The following LRRIQ1 variants were observed in gnomAD, a reference collection of about 807,000 sequenced individuals.
LRRIQ1 encodes the protein leucine-rich repeat- and IQ domain-containing protein 1.
LRRIQ1 carries 210 observed loss-of-function variants against 211.9 expected under a neutral mutation model. That is an observed-to-expected ratio of 0.99 (90% CI 0.89 to 1.11). The LOEUF (loss-of-function observed/expected upper bound fraction) is 1.11, where lower values mean the gene tolerates loss of function less well. Among genes scored for constraint, LRRIQ1 ranks in the 50% most tolerant of loss-of-function variants. LRRIQ1 has a pLI of 0.00. For missense variants in LRRIQ1, 2,136 were observed against 1,939.5 expected, an observed-to-expected ratio of 1.10 and a Z score of -1.90; for synonymous variants, 699 against 650.1, an observed-to-expected ratio of 1.08 and a Z score of -1.14.
At chr12:85,063,950 A>C (rs1312400590) in intron 8 of LRRIQ1, among the ~76,000 whole-genome samples, 2 of 151,732 alleles carry the variant, frequency 1.3e-5, no homozygotes, top group Non-Finnish European at 2.9e-5. Context: ...ATGAACACTT[A>C]GGTTGCTTCT....
intron 8 of LRRIQ1, among the ~76,000 whole-genome samples, chr12:85,059,817 G>T (rs1881578131): frequency 6.6e-6 from 1 of 151,672 alleles, no homozygotes; most frequent in South Asian, 2.1e-4. Flanking sequence ...CGCATGTTCT[G>T]CACATGTATC....
chr12:85,073,915 A>C (rs1356375448), intron 11 of LRRIQ1, among the ~76,000 whole-genome samples: 1 of 152,048 alleles, frequency 6.6e-6, no homozygotes, highest in Non-Finnish European at 1.5e-5. Context: ...GAAGGGAGAC[A>C]AAGATAGATT....
chr12:85,044,188 A>G (rs1254723306), intron 3 of LRRIQ1, among the ~76,000 whole-genome samples: 2 of 152,266 alleles, frequency 1.3e-5, no homozygotes, highest in East Asian at 3.9e-4. Context: ...GTTATAACAT[A>G]TTAATTGAAT....
At chr12:85,119,784 T>A (rs1395973734) in intron 15 of LRRIQ1, among the ~76,000 whole-genome samples, 1 of 152,190 alleles carries the variant, frequency 6.6e-6, no homozygotes, top group East Asian at 1.9e-4. Context: ...GCCGAACATC[T>A]TCTTATATGC....
chr12:85,251,777 CA>C (rs11415458), intron 1 of LRRIQ1, among the ~76,000 whole-genome samples: 1,463 of 116,864 alleles, frequency 0.013, 10 homozygotes, highest in Middle Eastern at 0.029. Flanking sequence ...AGAAGTGGCG[CA>C]AAAAAAAAAA....
the LRRIQ1 span, among the ~76,000 whole-genome samples, chr12:85,271,616 G>T: frequency 6.6e-6 from 1 of 151,994 alleles, no homozygotes; most frequent in Non-Finnish European, 1.5e-5. Flanking sequence ...TTGAAGATCT[G>T]GTCTTCCTTG....
intron 24 of LRRIQ1, among the ~76,000 whole-genome samples, chr12:85,198,750 A>G (rs1893141702): frequency 6.6e-6 from 1 of 151,950 alleles, no homozygotes; most frequent in Non-Finnish European, 1.5e-5. Context: ...TTGTATTTTT[A>G]GTAGAGACGG....
chr12:85,221,345 TA>T (rs925590723), intron 24 of LRRIQ1, among the ~76,000 whole-genome samples: 54 of 152,328 alleles, frequency 3.5e-4, no homozygotes, highest in African/African-American at 1.2e-3. Context: ...ATTTCACAAA[TA>T]TTTTTGAGCA....
At chr12:85,069,726 G>A (rs2136087810) in intron 10 of LRRIQ1, among the ~76,000 whole-genome samples, 1 of 152,194 alleles carries the variant, frequency 6.6e-6, no homozygotes, top group Admixed American at 6.5e-5. Flanking sequence ...TTTTTTGGCT[G>A]CATAAATGTC....
At chr12:85,081,267 C>T (rs56831626) in intron 11 of LRRIQ1, among the ~76,000 whole-genome samples, 92 of 152,172 alleles carry the variant, frequency 6.0e-4, no homozygotes, top group African/African-American at 2.1e-3. Context: ...CCGTATGATT[C>T]GGTAGTACCA....
chr12:85,173,386 A>T (rs1891514276), intron 24 of LRRIQ1, among the ~76,000 whole-genome samples: 1 of 152,166 alleles, frequency 6.6e-6, no homozygotes, highest in Non-Finnish European at 1.5e-5. Context: ...TAGTGAGCTC[A>T]TGCTCCCATA....
intron 24 of LRRIQ1, among the ~76,000 whole-genome samples, chr12:85,208,018 T>C (rs1365224099): frequency 9.8e-6 from 1 of 101,572 alleles, no homozygotes; most frequent in Non-Finnish European, 1.6e-5. Context: ...CTCATGTTCC[T>C]TTTTTTTTCA....
chr12:85,233,864 G>A (rs111593644), intron 26 of LRRIQ1, among the ~76,000 whole-genome samples: 2 of 152,212 alleles, frequency 1.3e-5, no homozygotes, highest in Admixed American at 6.6e-5. Flanking sequence ...CTTTGGCACA[G>A]ATTGGTTAGT....
chr12:85,238,842 C>T (rs1895323748), intron 26 of LRRIQ1, among the ~76,000 whole-genome samples: 1 of 152,008 alleles, frequency 6.6e-6, no homozygotes, highest in African/African-American at 2.4e-5. Context: ...CTGATTTTCA[C>T]AGATGACATC....
At chr12:85,232,244 A>G (rs569385111) in intron 25 of LRRIQ1, among the ~76,000 whole-genome samples, 62 of 152,148 alleles carry the variant, frequency 4.1e-4, no homozygotes, top group Non-Finnish European at 7.8e-4. Context: ...AAAGCCAAAT[A>G]TCATTGTTCT....
intron 2 of LRRIQ1, among the ~76,000 whole-genome samples, chr12:85,039,678 G>A (rs1229202988): frequency 6.6e-6 from 1 of 151,510 alleles, no homozygotes; most frequent in African/African-American, 2.4e-5. Context: ...AACCCAGTAT[G>A]GCAGACAATA....
chr12:85,057,554 C>CACCT (rs1555198520), intron 8 of LRRIQ1, among the ~76,000 whole-genome samples: 3 of 152,024 alleles, frequency 2.0e-5, no homozygotes, highest in Non-Finnish European at 4.4e-5. Flanking sequence ...GCCACCACAC[C>CACCT]ACCTAGTGGC....
intron 24 of LRRIQ1, among the ~76,000 whole-genome samples, chr12:85,203,417 G>A (rs1241351690): frequency 6.6e-6 from 1 of 152,152 alleles, no homozygotes; most frequent in Non-Finnish European, 1.5e-5. Context: ...CGAAAAATGT[G>A]GAAGTGACTT....
chr12:85,225,905 T>C (rs1260913882), intron 24 of LRRIQ1, among the ~76,000 whole-genome samples: 2 of 152,198 alleles, frequency 1.3e-5, no homozygotes, highest in African/African-American at 4.8e-5. Flanking sequence ...CTGAAATGAT[T>C]TTGCTGAGAC....
Sources: gnomAD v4.1 joint callset for allele counts (sites outside exome capture counted in the v4.1 genomes callset) on GRCh38, gnomAD v4.1.1 for gene constraint, MANE v1.5 for transcripts, NCBI Gene and HGNC (gene_info 2026-07-23, HGNC 2026-07-21) for gene names.